The following LEKR1 variants were observed in gnomAD, a reference collection of about 807,000 sequenced individuals.
LEKR1 encodes leucine, glutamate and lysine rich 1.
In LEKR1, 59 loss-of-function variants were observed where a neutral mutation model predicts 72.4. The ratio of observed to expected loss-of-function variants is 0.82; its 90% confidence interval spans 0.66 to 1.01. The LOEUF is 1.01. Among genes scored for constraint, LEKR1 ranks in the 50% least tolerant of loss-of-function variants. LEKR1 has a pLI of 0.00. For synonymous variants in LEKR1, 257 were observed against 263.2 expected, an observed-to-expected ratio of 0.98 and a Z score of 0.23; for missense variants, 728 against 759.2, an observed-to-expected ratio of 0.96 and a Z score of 0.48.
intron 11 of LEKR1, among the ~76,000 whole-genome samples, 162 bp downstream of exon 11, chr3:157,025,086 C>T (rs1307512166): frequency 6.6e-6 from 1 of 152,092 alleles, no homozygotes; most frequent in African/African-American, 2.4e-5. Flanking sequence ...GCTAATTCTC[C>T]AGAATGGATA....
At chr3:156,918,836 T>A (rs1263604586) in intron 3 of LEKR1, among the ~76,000 whole-genome samples, 2 of 152,172 alleles carry the variant, frequency 1.3e-5, no homozygotes. Flanking sequence ...ACTATTTTTT[T>A]AATAACCCTT....
At chr3:157,027,808 C>G (rs372301295) in intron 11 of LEKR1, among the ~76,000 whole-genome samples, 9 of 151,962 alleles carry the variant, frequency 5.9e-5, no homozygotes, top group African/African-American at 2.2e-4. Context: ...GGCAACAGAG[C>G]AAGACCCTGT....
chr3:156,933,223 C>T (rs144682604), intron 5 of LEKR1, among the ~76,000 whole-genome samples: 125 of 152,176 alleles, frequency 8.2e-4, no homozygotes, highest in African/African-American at 2.5e-3. Context: ...TATTTCATTT[C>T]GTAAATATAC....
chr3:156,920,632 GAAAC>G lies in LEKR1; in HGVS notation c.324_327del (p.Lys108AsnfsTer2). 6.9e-7 allele frequency: 1 copy of G among 1,456,796 alleles called. No homozygotes were observed. Among genetic ancestry groups the G allele is most frequent in the Non-Finnish European group, 9.3e-7 (1 of 1,081,038 alleles). 90.2% of individuals were successfully genotyped at this position (1,456,796 alleles called of 1,614,324 possible). A position where few individuals can be genotyped will look rare whatever the true frequency, so the allele number is the denominator to read the frequency against. On this transcript the variant is annotated frameshift_variant, in exon 4 of 13. Coordinates refer to ENST00000356539, the MANE Select transcript of LEKR1 (RefSeq NM_001004316.3). LOFTEE classifies it high-confidence loss of function. ...AACAAAATGAATTTCAGAAAGTAAAGAAACAACTGAGTCATTTGCAAGATGAGCT... is the reference window on the plus strand; with the variant it reads ...AACAAAATGAATTTCAGAAAGTAAAGAACTGAGTCATTTGCAAGATGAGCT...
At position 156,941,043 on chromosome 3, in the gene LEKR1, A is replaced by G. The variant is rs978436306; in HGVS notation, c.560-1486A>G. On this transcript the variant is annotated intron_variant, in intron 5 of 12. Transcript: ENST00000356539. ...TAACCTCCTTATTTTCTTTAACTCC[A>G]TTCTTTTAAAAATTTTATGTACTGT... Among the ~76,000 whole-genome samples the G allele has an allele frequency of 5.3e-5, 8 of 152,000 alleles. No individual in the cohort carries two copies. The South Asian group carries it at 1.5e-3, about 28-fold the overall frequency.
intron 10 of LEKR1, among the ~76,000 whole-genome samples, chr3:157,015,039 A>G (rs1320769696): frequency 1.3e-5 from 2 of 152,182 alleles, no homozygotes; most frequent in Non-Finnish European, 2.9e-5. Context: ...AAGATATTGG[A>G]CATCAGGCAA....
intron 5 of LEKR1, among the ~76,000 whole-genome samples, chr3:156,938,295 A>G (rs1456110342): frequency 1.3e-5 from 2 of 152,048 alleles, no homozygotes; most frequent in Admixed American, 1.3e-4. Context: ...GTTAAGTTTG[A>G]ATAGGAACTC....
chr3:157,005,999 ATT>A (rs748719503), intron 9 of LEKR1, among the ~76,000 whole-genome samples: 36 of 140,914 alleles, frequency 2.6e-4, no homozygotes, highest in Non-Finnish European at 3.4e-4. Context: ...ACTACTATAC[ATT>A]TTTTTTTTTT....
chr3:156,876,801 G>T (rs1272122429), intron 3 of LEKR1, among the ~76,000 whole-genome samples: 1 of 152,012 alleles, frequency 6.6e-6, no homozygotes, highest in African/African-American at 2.4e-5. Context: ...TACCAATTTG[G>T]ATGCCTTTTA....
At chr3:156,921,441 A>C (rs1724187336) in intron 4 of LEKR1, among the ~76,000 whole-genome samples, 1 of 152,144 alleles carries the variant, frequency 6.6e-6, no homozygotes, top group Admixed American at 6.6e-5. Flanking sequence ...AATAATTTTT[A>C]ATTCATTTTC....
chr3:157,002,743 A>C (rs1732109782), intron 9 of LEKR1, among the ~76,000 whole-genome samples: 1 of 152,170 alleles, frequency 6.6e-6, no homozygotes, highest in Non-Finnish European at 1.5e-5. Context: ...TCAAAACACC[A>C]TATACTTTGT....
chr3:156,866,215 C>A (rs1008863997), intron 3 of LEKR1, among the ~76,000 whole-genome samples: 1 of 152,056 alleles, frequency 6.6e-6, no homozygotes, highest in African/African-American at 2.4e-5. Context: ...AACTTTCTCT[C>A]TAGATGCTGG....
At chr3:156,899,473 TATAC>T (rs1220600315) in intron 3 of LEKR1, among the ~76,000 whole-genome samples, 15 of 83,850 alleles carry the variant, frequency 1.8e-4, no homozygotes, top group African/African-American at 5.2e-4. Flanking sequence ...TACATGTATA[TATAC>T]ATACATACAT....
intron 6 of LEKR1, 62 bp from the exon 7 acceptor site, chr3:156,979,132 C>A: frequency 1.4e-6 from 1 of 724,836 alleles, no homozygotes; most frequent in Non-Finnish European, 2.1e-6. Flanking sequence ...ATGGTTTACT[C>A]TATGAAAATA....
At position 156,892,120 on chromosome 3, in the gene LEKR1, G is replaced by T. The variant is rs1380589536; in HGVS notation, c.264-28455G>T. ...TTTTTGAATTCAGGCCTGAAGTCAG[G>T]ATTGGTCCCAACAATCGGGGAGAGG... On this transcript the variant is annotated intron_variant, in intron 3 of 12. Transcript: ENST00000356539. 2.6e-5 allele frequency among the ~76,000 whole-genome samples: 4 copies of T among 152,164 alleles called. No homozygotes were observed. The South Asian group carries it at 8.3e-4, about 32-fold the overall frequency.
intron 7 of LEKR1, among the ~76,000 whole-genome samples, chr3:156,985,909 T>C (rs189641280): frequency 1.9e-4 from 29 of 151,050 alleles, no homozygotes; most frequent in Admixed American, 1.9e-3. Flanking sequence ...GCAGGCCTAA[T>C]ATAATCACGA....
At chr3:156,994,847 G>A (rs965903502) in intron 9 of LEKR1, among the ~76,000 whole-genome samples, 3 of 152,176 alleles carry the variant, frequency 2.0e-5, no homozygotes, top group African/African-American at 7.2e-5. Context: ...TTCCAATGGT[G>A]CCAGATTAAT....
At chr3:156,833,472 A>G (rs1246520933) in intron 2 of LEKR1, among the ~76,000 whole-genome samples, 3 of 152,242 alleles carry the variant, frequency 2.0e-5, no homozygotes, top group Non-Finnish European at 2.9e-5. Context: ...ACAATTTAAT[A>G]TAACAATTAT....
chr3:156,876,158 T>C (rs1364056709), intron 3 of LEKR1, among the ~76,000 whole-genome samples: 1 of 152,178 alleles, frequency 6.6e-6, no homozygotes. Context: ...TGGCTTTATT[T>C]CTGGGTTCTC....
Sources: gnomAD v4.1 joint callset for allele counts (sites outside exome capture counted in the v4.1 genomes callset) on GRCh38, gnomAD v4.1.1 for gene constraint, MANE v1.5 for transcripts, NCBI Gene and HGNC (gene_info 2026-07-23, HGNC 2026-07-21) for gene names.